The following GRIN2A variants were observed in gnomAD, a reference collection of about 807,000 sequenced individuals.
GRIN2A encodes the protein glutamate receptor ionotropic, NMDA 2A.
In GRIN2A, 22 loss-of-function variants were observed where a neutral mutation model predicts 113.4. The ratio of observed to expected loss-of-function variants is 0.19; its 90% confidence interval spans 0.14 to 0.28. The LOEUF is 0.28. GRIN2A is among the 10% of genes least tolerant of loss of function. GRIN2A has a pLI of 1.00. For missense variants in GRIN2A, 1,502 were observed against 1,887.0 expected (o/e 0.80, Z 3.78); for synonymous variants, 827 against 738.4 (o/e 1.12, Z -1.94).
intron 2 of GRIN2A, among the ~76,000 whole-genome samples, chr16:10,016,252 A>T (rs1004911104): frequency 5.3e-5 from 8 of 152,026 alleles, no homozygotes; most frequent in Admixed American, 5.2e-4. Flanking sequence ...CAGTCAGGAA[A>T]GACACTTTGG....
At chr16:9,894,083 A>G (rs991846317) in intron 3 of GRIN2A, among the ~76,000 whole-genome samples, 5 of 152,140 alleles carry the variant, frequency 3.3e-5, no homozygotes. Flanking sequence ...TTCCCAGGGA[A>G]TCTTAATGGG....
chr16:9,828,547 C>A (rs183588038), intron 9 of GRIN2A, among the ~76,000 whole-genome samples: 5 of 152,300 alleles, frequency 3.3e-5, no homozygotes, highest in Admixed American at 2.6e-4. Context: ...TCCCCACACA[C>A]AGAACAGAAA....
chr16:9,871,032 A>G (rs1410704060), intron 4 of GRIN2A, among the ~76,000 whole-genome samples: 4 of 151,928 alleles, frequency 2.6e-5, no homozygotes, highest in African/African-American at 7.3e-5. Context: ...CTCCCAATCA[A>G]TCTGCTCATT....
Position 9,780,150 on chromosome 16 carries a change from C to G in GRIN2A, c.2357-11061G>C, listed in dbSNP as rs143982674. Among the ~76,000 whole-genome samples, 758 of 152,284 alleles carry G rather than the reference C, an allele frequency of 5.0e-3. 7 individuals carry two copies. Among genetic ancestry groups the G allele is most frequent in the African/African-American group, 0.017 (724 of 41,568 alleles). On this transcript the variant is annotated intron_variant, in intron 11 of 12. Transcript: ENST00000330684. ...AGCACTTGCAAATTGGAGAAACTAC[C>G]TGCACTGCTGGCAGGAATGTAAATT...
chr16:10,112,826 A>G (rs1567307777), intron 2 of GRIN2A: 3 of 631,064 alleles, frequency 4.8e-6, no homozygotes, highest in Non-Finnish European at 6.0e-6. Flanking sequence ...GGACCATGTC[A>G]GCCCAGATCG....
chr16:10,114,243 C>T (rs958276449), intron 2 of GRIN2A, among the ~76,000 whole-genome samples: 2 of 152,016 alleles, frequency 1.3e-5, no homozygotes, highest in Non-Finnish European at 2.9e-5. Flanking sequence ...TTCATAAAAC[C>T]ACACAGTGAG....
At chr16:10,040,589 C>G (rs79293028) in intron 2 of GRIN2A, among the ~76,000 whole-genome samples, 3 of 141,844 alleles carry the variant, frequency 2.1e-5, no homozygotes, top group Non-Finnish European at 4.6e-5. Context: ...CACACACACA[C>G]AAAACACACA....
chr16:9,809,668 T>A (rs2042048857), intron 10 of GRIN2A, among the ~76,000 whole-genome samples: 1 of 152,182 alleles, frequency 6.6e-6, no homozygotes, highest in African/African-American at 2.4e-5. Flanking sequence ...ACCAGCACTG[T>A]GCCTGCGTCA....
intron 3 of GRIN2A, among the ~76,000 whole-genome samples, chr16:9,914,870 T>C (rs1302876724): frequency 7.6e-6 from 1 of 131,714 alleles, no homozygotes; most frequent in African/African-American, 2.8e-5. Context: ...AAGGGGCATA[T>C]GTTTCCATTT....
chr16:10,066,583 T>G (rs1370571489), intron 2 of GRIN2A, among the ~76,000 whole-genome samples: 1 of 152,162 alleles, frequency 6.6e-6, no homozygotes, highest in South Asian at 2.1e-4. Context: ...TTATTCTGAT[T>G]ATAAAAATGA....
In GRIN2A at chr16:9,762,966, G is replaced by C; in HGVS notation, c.*183C>G. 1.5e-6 allele frequency: 1 copy of C among 653,460 alleles called. No homozygotes were observed. 40.5% of individuals were successfully genotyped at this position (653,460 alleles called of 1,614,324 possible). ...GCCATGCTCAGCACACACCTCACAA[G>C]ATTCCTTGAGTGGAAGATTATGGCA... On this transcript the variant is annotated 3_prime_UTR_variant, in exon 13 of 13. Coordinates refer to ENST00000330684, the MANE Select transcript of GRIN2A (RefSeq NM_001134407.3).
At chr16:9,824,651 C>T (rs2042353039) in intron 9 of GRIN2A, among the ~76,000 whole-genome samples, 1 of 152,174 alleles carries the variant, frequency 6.6e-6, no homozygotes, top group Admixed American at 6.5e-5. Flanking sequence ...GAACCTTTTC[C>T]ACTAGACTGA....
intron 2 of GRIN2A, among the ~76,000 whole-genome samples, chr16:9,999,460 G>C (rs138927606): frequency 8.1e-4 from 123 of 152,304 alleles, no homozygotes; most frequent in African/African-American, 2.8e-3. Context: ...GATGAAGCTA[G>C]AAACCATCAT....
rs537987425 is a variant in GRIN2A at position 9,797,957 on chromosome 16, G to A, written c.2356+320C>T. On this transcript the variant is annotated intron_variant, in intron 11 of 12. Transcript: ENST00000330684. ...TCACCCTTTGAGAACCACTGCCCTA[G>A]ACAGAAGACCTATAAATTCCCACTT... 2.0e-5 allele frequency among the ~76,000 whole-genome samples: 3 copies of A among 152,262 alleles called. No homozygotes were observed. The South Asian group carries it at 6.2e-4, about 32-fold the overall frequency.
chr16:9,816,795 C>CAGAG (rs1213148150), intron 10 of GRIN2A, among the ~76,000 whole-genome samples: 1 of 152,210 alleles, frequency 6.6e-6, no homozygotes, highest in Non-Finnish European at 1.5e-5. Context: ...CCCCTCCTTA[C>CAGAG]AGAGATTCTG....
chr16:10,117,938 A>T (rs2048760475), intron 2 of GRIN2A, among the ~76,000 whole-genome samples: 1 of 152,152 alleles, frequency 6.6e-6, no homozygotes, highest in African/African-American at 2.4e-5. Flanking sequence ...CCTTGTGCTA[A>T]TGGTGCACAA....
In GRIN2A at chr16:9,935,166, C is replaced by T. The variant is rs72772130; in HGVS notation, c.1007+2793G>A. The stretch of plus-strand genomic sequence containing the variant: ...CCTGTATATGTTATATTTCAATTGC[C>T]CTAAAATTGATTTATGTTTCCATCA... On this transcript the variant is annotated intron_variant, in intron 3 of 12. Coordinates refer to ENST00000330684, the MANE Select transcript of GRIN2A (RefSeq NM_001134407.3). Among the ~76,000 whole-genome samples the T allele has an allele frequency of 9.9e-4, 150 of 152,144 alleles. 1 individual carries two copies. The highest frequency in any genetic ancestry group is 3.1e-3 in the South Asian group (15 of 4,806).
At chr16:10,112,256 G>C (rs2048632203) in intron 2 of GRIN2A, 1 of 633,218 alleles carries the variant, frequency 1.6e-6, no homozygotes, top group Admixed American at 2.2e-5. Flanking sequence ...TCAAACAGAA[G>C]TACCTCCACC....
chr16:10,060,654 A>G (rs543310624), intron 2 of GRIN2A, among the ~76,000 whole-genome samples: 5 of 152,302 alleles, frequency 3.3e-5, no homozygotes, highest in African/African-American at 1.2e-4. Flanking sequence ...CACCATCTTC[A>G]TTATCATCAT....
Sources: gnomAD v4.1 joint callset for allele counts (sites outside exome capture counted in the v4.1 genomes callset) on GRCh38, gnomAD v4.1.1 for gene constraint, MANE v1.5 for transcripts, NCBI Gene and HGNC (gene_info 2026-07-23, HGNC 2026-07-21) for gene names.